PTPRZ1: variants seen among roughly 807,000 people sequenced by gnomAD.
PTPRZ1 encodes protein tyrosine phosphatase receptor type Z1, also known as receptor-type tyrosine-protein phosphatase zeta.
A neutral mutation model predicts 214.1 loss-of-function variants in PTPRZ1; 82 were observed. That is an observed-to-expected ratio of 0.38 (90% confidence interval 0.32 to 0.46). PTPRZ1 has a LOEUF of 0.46. Among genes scored for constraint, PTPRZ1 ranks in the 20% least tolerant of loss-of-function variants. The pLI is 1.00. For synonymous variants in PTPRZ1, 945 were observed against 987.9 expected (o/e 0.96, Z 0.81); for missense variants, 2,603 against 2,748.7 (o/e 0.95, Z 1.19).
chr7:122,019,101 C>G, intron 12 of PTPRZ1, 23 bp from the exon 13 acceptor site: 3 of 1,577,810 alleles, frequency 1.9e-6, no homozygotes, highest in Non-Finnish European at 2.6e-6. Context: ...AATATCAATT[C>G]TCTCAATTTT....
chr7:121,898,048 C>T (rs1272423629), intron 1 of PTPRZ1, among the ~76,000 whole-genome samples: 1 of 151,852 alleles, frequency 6.6e-6, no homozygotes, highest in African/African-American at 2.4e-5. Context: ...GTAGAATGTA[C>T]CACTTCGGTG....
At chr7:122,036,510 G>T in intron 17 of PTPRZ1, 90 bp from the exon 18 acceptor site, 1 of 883,900 alleles carries the variant, frequency 1.1e-6, no homozygotes, top group South Asian at 1.7e-5. Context: ...GATTTTAATT[G>T]AATGAAATAA....
At position 122,041,084 on chromosome 7, in the gene PTPRZ1, T is replaced by G. The variant is rs75803277; in HGVS notation, c.5801+105T>G. ...CCCAAATGGGAATGATTTCTTGAAA[T>G]GAGGGTGATGAAATTATATGTTCAT... On this transcript the variant is annotated intron_variant, in intron 21 of 29. Coordinates refer to ENST00000393386, the MANE Select transcript of PTPRZ1 (RefSeq NM_002851.3). The G allele has an allele frequency of 1.5e-3, 1,562 of 1,046,218 alleles. 22 individuals are homozygous for G. The African/African-American group carries it at 0.021, about 14-fold the overall frequency. The allele number at this position is 1,046,218 out of a possible 1,614,324, so 64.8% of individuals were successfully genotyped here.
chr7:121,976,881 A>G (rs774422353), intron 6 of PTPRZ1, 30 bp downstream of exon 6: 8 of 1,584,984 alleles, frequency 5.0e-6, no homozygotes, highest in South Asian at 1.1e-5. Context: ...ATCTTTCTTC[A>G]GGATTCTGCT....
chr7:121,943,307 A>T (rs1796280920), intron 2 of PTPRZ1, among the ~76,000 whole-genome samples: 1 of 152,238 alleles, frequency 6.6e-6, no homozygotes, highest in South Asian at 2.1e-4. Context: ...AATGATAAAG[A>T]ATGAAACCAT....
At chr7:121,985,664 C>T (rs1043330645) in intron 8 of PTPRZ1, among the ~76,000 whole-genome samples, 5 of 152,194 alleles carry the variant, frequency 3.3e-5, no homozygotes, top group South Asian at 2.1e-4. Context: ...AGCATTGCAT[C>T]CACTAGGAGG....
At chr7:121,896,743 A>G (rs1794795519) in intron 1 of PTPRZ1, among the ~76,000 whole-genome samples, 1 of 151,932 alleles carries the variant, frequency 6.6e-6, no homozygotes, top group Non-Finnish European at 1.5e-5. Flanking sequence ...ACTGCACTCT[A>G]GCCTGGGTGA....
intron 1 of PTPRZ1, among the ~76,000 whole-genome samples, chr7:121,915,371 T>C (rs534743722): frequency 2.2e-4 from 33 of 152,288 alleles, no homozygotes; most frequent in African/African-American, 6.7e-4. Flanking sequence ...CTTCTGGGAA[T>C]TTTATCCTCA....
chr7:121,879,969 C>T (rs1794186144), intron 1 of PTPRZ1, among the ~76,000 whole-genome samples: 1 of 152,114 alleles, frequency 6.6e-6, no homozygotes, highest in Non-Finnish European at 1.5e-5. Context: ...GTTTGCTCAG[C>T]ACCTTGATGA....
At chr7:121,897,820 G>A (rs567640796) in intron 1 of PTPRZ1, among the ~76,000 whole-genome samples, 1 of 152,228 alleles carries the variant, frequency 6.6e-6, no homozygotes, top group South Asian at 2.1e-4. Context: ...TGATTGTGGT[G>A]GCCAGAAATG....
At chr7:122,004,085 G>C (rs530747776) in intron 10 of PTPRZ1, among the ~76,000 whole-genome samples, 85 of 152,198 alleles carry the variant, frequency 5.6e-4, no homozygotes, top group Admixed American at 3.9e-3. Flanking sequence ...TATAGAAATA[G>C]GTATGAGGCC....
Position 122,051,500 on chromosome 7 carries a change from C to A in PTPRZ1, c.6157C>A (p.Arg2053=). ...ALKQCNREKN[R]TSSIIPVERS... ...AAAGCAATGCAACAGGGAAAAGAATCGAACTTCTTCTATCATCCCTGGTAA... is the reference window on the plus strand; with the variant it reads ...AAAGCAATGCAACAGGGAAAAGAATAGAACTTCTTCTATCATCCCTGGTAA... The change falls in exon 24 of 30, where the codon CGA becomes AGA. Residue 2053 remains arginine (R), a synonymous_variant. Coordinates refer to ENST00000393386, the MANE Select transcript of PTPRZ1 (RefSeq NM_002851.3). The A allele has an allele frequency of 6.2e-7, 1 of 1,613,242 alleles. No homozygotes were observed. Among genetic ancestry groups the A allele is most frequent in the South Asian group, 1.1e-5 (1 of 91,012 alleles).
At chr7:121,953,451 C>A (rs888893653) in intron 2 of PTPRZ1, among the ~76,000 whole-genome samples, 1 of 152,156 alleles carries the variant, frequency 6.6e-6, no homozygotes, top group Non-Finnish European at 1.5e-5. Context: ...TCTGGTGTCA[C>A]ATAATGTTTA....
chr7:122,034,067 A>C, intron 15 of PTPRZ1, 28 bp from the exon 16 acceptor site: 1 of 1,569,750 alleles, frequency 6.4e-7, no homozygotes, highest in Non-Finnish European at 8.8e-7. Context: ...TGATTTCTTT[A>C]CTTTTTTGGC....
chr7:122,030,360 G>A (rs372451991), intron 14 of PTPRZ1, among the ~76,000 whole-genome samples: 2 of 152,054 alleles, frequency 1.3e-5, no homozygotes. Context: ...ATGAAAGGAG[G>A]TTGGCTGTGC....
chr7:122,000,867 G>A (rs1321475346), intron 10 of PTPRZ1, among the ~76,000 whole-genome samples: 1 of 151,200 alleles, frequency 6.6e-6, no homozygotes, highest in East Asian at 2.0e-4. Flanking sequence ...TGTATTTTTA[G>A]TAGAGACGGG....
At chr7:121,962,243 T>G (rs1363322128) in intron 2 of PTPRZ1, among the ~76,000 whole-genome samples, 1 of 151,908 alleles carries the variant, frequency 6.6e-6, no homozygotes, top group Non-Finnish European at 1.5e-5. Flanking sequence ...GGTCAGGAGT[T>G]CAAGACCAGC....
chr7:121,968,878 T>A (rs781531172), intron 3 of PTPRZ1, among the ~76,000 whole-genome samples: 6 of 152,034 alleles, frequency 3.9e-5, no homozygotes, highest in Non-Finnish European at 8.8e-5. Context: ...CATTGGTGAA[T>A]TTTTTTTATA....
intron 1 of PTPRZ1, among the ~76,000 whole-genome samples, chr7:121,925,793 T>G (rs777501591): frequency 3.3e-5 from 5 of 152,202 alleles, no homozygotes; most frequent in Non-Finnish European, 7.3e-5. Flanking sequence ...TCTAAATAAA[T>G]TCATATCTTT....
Sources: gnomAD v4.1 joint callset for allele counts (sites outside exome capture counted in the v4.1 genomes callset) on GRCh38, gnomAD v4.1.1 for gene constraint, MANE v1.5 for transcripts, NCBI Gene and HGNC (gene_info 2026-07-23, HGNC 2026-07-21) for gene names.